The following ERICH6 variants were observed in gnomAD, a reference collection of about 807,000 sequenced individuals.
ERICH6 encodes glutamate rich 6.
In ERICH6, 71 loss-of-function variants were observed where a neutral mutation model predicts 71.0. The ratio of observed to expected loss-of-function variants is 1.00; its 90% CI spans 0.83 to 1.22. The LOEUF is 1.22. Ranked by LOEUF, ERICH6 falls within the 50% of genes most tolerant of loss-of-function variation. The probability of loss-of-function intolerance (pLI) is 0.00; values close to 1 mark genes in which losing one functional copy is unlikely to be tolerated. For missense variants in ERICH6, 808 were observed against 797.2 expected (o/e 1.01, Z -0.16); for synonymous variants, 262 against 278.4 (o/e 0.94, Z 0.59).
chr3:150,680,966 C>A, intron 7 of ERICH6, 36 bp from the exon 8 acceptor site: 1 of 1,563,886 alleles, frequency 6.4e-7, no homozygotes, highest in Non-Finnish European at 8.6e-7. Context: ...TCTCATTAGT[C>A]CTAGATGAGG....
chr3:150,698,574 C>A (rs562887837), intron 3 of ERICH6, among the ~76,000 whole-genome samples: 1 of 152,180 alleles, frequency 6.6e-6, no homozygotes, highest in South Asian at 2.1e-4. Context: ...AATATTTAAT[C>A]TTATTTTGAT....
chr3:150,700,081 A>T (rs1478473730), intron 2 of ERICH6, among the ~76,000 whole-genome samples: 1 of 148,188 alleles, frequency 6.7e-6, no homozygotes, highest in African/African-American at 2.5e-5. Flanking sequence ...TCTGAGGGAA[A>T]TTTTTTTTTT....
At chr3:150,687,492 T>A (rs1290540030) in intron 3 of ERICH6, among the ~76,000 whole-genome samples, 2 of 152,198 alleles carry the variant, frequency 1.3e-5, no homozygotes, top group African/African-American at 4.8e-5. Context: ...TTAAGTACCA[T>A]CAATCTACTT....
intron 3 of ERICH6, among the ~76,000 whole-genome samples, chr3:150,688,864 G>T (rs1712303209): frequency 6.6e-6 from 1 of 152,160 alleles, no homozygotes. Flanking sequence ...AAACCAAACT[G>T]TGCTCTGACC....
intron 3 of ERICH6, among the ~76,000 whole-genome samples, chr3:150,696,034 A>G (rs1470060749): frequency 2.0e-5 from 3 of 152,020 alleles, no homozygotes; most frequent in Admixed American, 1.3e-4. Context: ...CATTTATCAT[A>G]TATTAAATAT....
At chr3:150,666,468 C>T (rs1727418304) in intron 13 of ERICH6, among the ~76,000 whole-genome samples, 1 of 152,188 alleles carries the variant, frequency 6.6e-6, no homozygotes, top group Admixed American at 6.5e-5. Flanking sequence ...GTCTCTCTAC[C>T]ATGGCGGGGA....
chr3:150,697,075 A>AT (rs1342116549), intron 3 of ERICH6, among the ~76,000 whole-genome samples: 11 of 152,190 alleles, frequency 7.2e-5, no homozygotes, highest in Non-Finnish European at 1.5e-4. Flanking sequence ...ATTACAAAGA[A>AT]TTTTTACCTG....
intron 1 of ERICH6, 93 bp from the exon 2 acceptor site, chr3:150,702,271 T>TAA: frequency 1.2e-5 from 1 of 85,932 alleles, no homozygotes; most frequent in African/African-American, 5.5e-5. Flanking sequence ...GTCTGGAGAC[T>TAA]TTTTTTTTTT....
chr3:150,703,322 A>AGG (rs1713010376), intron 1 of ERICH6, among the ~76,000 whole-genome samples, 174 bp downstream of exon 1: 2 of 152,042 alleles, frequency 1.3e-5, no homozygotes, highest in Non-Finnish European at 2.9e-5. Context: ...AGCTCAGCCA[A>AGG]GGGTTCAGTG....
At chr3:150,691,345 G>T (rs1023418115) in intron 3 of ERICH6, among the ~76,000 whole-genome samples, 1 of 152,104 alleles carries the variant, frequency 6.6e-6, no homozygotes, top group Admixed American at 6.6e-5. Flanking sequence ...AAAGAAAAGG[G>T]TGTCCTTTTA....
intron 3 of ERICH6, 102 bp downstream of exon 3, chr3:150,698,689 G>A (rs752170718): frequency 1.4e-5 from 13 of 924,962 alleles, no homozygotes; most frequent in Non-Finnish European, 2.3e-5. Context: ...AGTATGTGTT[G>A]GGGCTGGGAT....
intron 8 of ERICH6, 23 bp from the exon 9 acceptor site, chr3:150,680,561 G>C: frequency 1.2e-6 from 2 of 1,613,026 alleles, no homozygotes; most frequent in Non-Finnish European, 1.7e-6. Context: ...AAAACATCAG[G>C]CATAAATCTG....
rs1711744825 is a variant in ERICH6 at position 150,678,404 on chromosome 3, A to G, written c.1257+5T>C. ...TAGCAAGTAAAAAAATTACAAGTTC[A>G]TTACCTTTCCACATGCTATCCGAGA... On this transcript the variant is annotated splice_donor_5th_base_variant and intron_variant, in intron 10 of 13. Coordinates refer to ENST00000295910, the MANE Select transcript of ERICH6 (RefSeq NM_152394.5). The G allele has an allele frequency of 1.9e-6, 3 of 1,554,944 alleles. No individual in the cohort carries two copies. The highest frequency in any genetic ancestry group is 1.7e-4 in the Middle Eastern group (1 of 5,864).
rs1727153210 is a variant in ERICH6, at chr3:150,660,067, A to G, written c.1817T>C (p.Leu606Pro). ...LLASLIKIRR[L>P]FHKLEGCVNF... ...CACACATCCTTCAAGTTTATGAAACAGGCGACGGATCTTTATTAAACTGGC... is the reference window on the plus strand; with the variant it reads ...CACACATCCTTCAAGTTTATGAAACGGGCGACGGATCTTTATTAAACTGGC... Residue 606 changes from leucine to proline, a missense_variant, in exon 14 of 14, where the codon CTG (leucine) becomes CCG (proline). Leu to Pro is a moderately conservative substitution (Grantham distance 98). Transcript: ENST00000295910. 6.2e-7 allele frequency: 1 copy of G among 1,614,050 alleles called. No homozygotes were observed. The highest frequency in any genetic ancestry group is 8.5e-7 in the Non-Finnish European group (1 of 1,180,044).
intron 9 of ERICH6, among the ~76,000 whole-genome samples, chr3:150,679,333 A>G (rs1279088714): frequency 6.6e-6 from 1 of 152,104 alleles, no homozygotes; most frequent in Non-Finnish European, 1.5e-5. Context: ...TTACTACCTG[A>G]GCAGTGATGT....
chr3:150,689,333 C>A (rs532770797), intron 3 of ERICH6, among the ~76,000 whole-genome samples: 7 of 152,200 alleles, frequency 4.6e-5, no homozygotes, highest in African/African-American at 1.7e-4. Flanking sequence ...TTTTGCTAGC[C>A]AGGCCAAACT....
At position 150,703,549 on chromosome 3, in the gene ERICH6, G is replaced by T; in HGVS notation, c.350C>A (p.Thr117Asn). The change falls in exon 1 of 14, where the codon ACC becomes AAC. Residue 117 changes from threonine to asparagine, a missense_variant. This residue lies in a region of ERICH6 where 736 missense variants were observed against 712.2 expected (regional missense o/e 1.03). Transcript: ENST00000295910. ...TSTFVPSQSA[T>N]STETPSASPP... is the part of the protein sequence containing the mutation. ...GCTTGCGCTCGGCGTTTCAGTGCTG[G>T]TCGCGCTCTGGCTGGGCACGAACGT... 6.2e-7 allele frequency: 1 copy of T among 1,612,834 alleles called. No homozygotes were observed. Among genetic ancestry groups the T allele is most frequent in the Non-Finnish European group, 8.5e-7 (1 of 1,179,548 alleles).
At chr3:150,701,795 C>T (rs968779468) in intron 2 of ERICH6, among the ~76,000 whole-genome samples, 2 of 146,566 alleles carry the variant, frequency 1.4e-5, no homozygotes, top group Non-Finnish European at 3.0e-5. Context: ...CCACAAAAGG[C>T]GTCCCTGGTC....
chr3:150,664,343 G>GT (rs1398863911), intron 13 of ERICH6, among the ~76,000 whole-genome samples: 1 of 152,064 alleles, frequency 6.6e-6, no homozygotes, highest in East Asian at 1.9e-4. Context: ...TAATTTTTAT[G>GT]TTTTAAAAAA....
Sources: gnomAD v4.1 joint callset for allele counts (sites outside exome capture counted in the v4.1 genomes callset) on GRCh38, gnomAD v4.1.1 for gene constraint, gnomAD v4.1.1 regional missense constraint, MANE v1.5 for transcripts, NCBI Gene and HGNC (gene_info 2026-07-23, HGNC 2026-07-21) for gene names.